USP24: variants seen among roughly 807,000 people sequenced by gnomAD.
USP24 encodes ubiquitin carboxyl-terminal hydrolase 24.
USP24 carries 97 observed loss-of-function variants against 361.6 expected under a neutral mutation model. The ratio of observed to expected loss-of-function variants is 0.27; its 90% CI spans 0.23 to 0.32. The LOEUF (loss-of-function observed/expected upper bound fraction) is 0.32. Among genes scored for constraint, USP24 ranks in the 10% least tolerant of loss-of-function variants. USP24 has a pLI of 1.00. For missense variants in USP24, 2,353 were observed against 3,165.6 expected (o/e 0.74, Z 6.16); for synonymous variants, 1,098 against 1,124.6 (o/e 0.98, Z 0.47).
rs184190667 is a variant in USP24, at chr1:55,127,658, G to A, written c.3635+1819C>T. On this transcript the variant is annotated intron_variant, in intron 32 of 67. Coordinates refer to ENST00000294383, the MANE Select transcript of USP24 (RefSeq NM_015306.3). The stretch of plus-strand genomic sequence containing the variant: ...GAATCGTCACACTGATTTCCACAGT[G>A]GTTGAACTAGTTTACAGTCCCACCA... Among the ~76,000 whole-genome samples the A allele has an allele frequency of 6.2e-4, 95 of 152,300 alleles. 1 individual carries two copies. The East Asian group carries it at 0.017, about 27-fold the overall frequency.
rs1305252471 is a variant in USP24 at position 55,071,913 on chromosome 1, C to T, written c.7701G>A (p.Ala2567=). The change falls in exon 67 of 68, where the codon GCG becomes GCA. Residue 2567 remains alanine (A), a synonymous_variant. Transcript: ENST00000294383. ...TTTCATTCAACAAAGCTGTGGCATA[C>T]GCTAACGTGTCCTGCAGAAGATTCA... is the stretch of plus-strand genomic sequence containing the variant. ...QRTISAQDTL[A]YATALLNEKE... is the part of the protein sequence containing the mutation. 1.6e-5 allele frequency: 26 copies of T among 1,609,532 alleles called. No homozygotes were observed. Among genetic ancestry groups the T allele is most frequent in the African/African-American group, 5.3e-5 (4 of 74,904 alleles).
At position 55,146,912 on chromosome 1, in the gene USP24, C is replaced by T. The variant is rs774844352; in HGVS notation, c.2250+17G>A. The T allele has an allele frequency of 2.5e-6, 4 of 1,610,910 alleles. No individual in the cohort carries two copies. In the South Asian group the frequency reaches 4.4e-5, roughly 18 times the overall value. On this transcript the variant is annotated intron_variant, in intron 19 of 67. Transcript: ENST00000294383. ...AAATATTTCTGCCTTACTTTATCCA[C>T]AATACCACCTTCTTACCTCTCTATC...
At chr1:55,074,136 A>G (rs1357363861) in intron 63 of USP24, among the ~76,000 whole-genome samples, 2 of 151,428 alleles carry the variant, frequency 1.3e-5, no homozygotes, top group African/African-American at 2.4e-5. Flanking sequence ...AAACCACAAC[A>G]AAAAAAACAT....
intron 16 of USP24, among the ~76,000 whole-genome samples, chr1:55,152,756 T>G (rs1647254190): frequency 6.6e-6 from 1 of 152,200 alleles, no homozygotes; most frequent in African/African-American, 2.4e-5. Context: ...TTTTAAAATT[T>G]CTAAAGCTGG....
chr1:55,171,934 T>G (rs1334244201), intron 4 of USP24, among the ~76,000 whole-genome samples: 2 of 152,094 alleles, frequency 1.3e-5, no homozygotes, highest in African/African-American at 4.8e-5. Context: ...GGCAGTGTGA[T>G]GCCAATGCCC....
intron 41 of USP24, 108 bp downstream of exon 41, chr1:55,106,038 C>T (rs1317690235): frequency 4.7e-6 from 4 of 857,670 alleles, no homozygotes; most frequent in Admixed American, 4.2e-5. Flanking sequence ...ATATAGGATA[C>T]ACAGACTCAC....
intron 4 of USP24, among the ~76,000 whole-genome samples, 161 bp downstream of exon 4, chr1:55,172,216 C>T (rs1649525199): frequency 6.6e-6 from 1 of 152,150 alleles, no homozygotes; most frequent in Non-Finnish European, 1.5e-5. Context: ...ACTGAGAACA[C>T]AAGATGGTTG....
At chr1:55,085,830 T>C (rs941882318) in intron 56 of USP24, 112 bp downstream of exon 56, 1 of 1,083,096 alleles carries the variant, frequency 9.2e-7, no homozygotes, top group Non-Finnish European at 1.3e-6. Context: ...AGAAGGTGTA[T>C]TTATGTGGCA....
Position 55,098,514 on chromosome 1 carries a change from G to C in USP24, c.5415C>G (p.Ile1805Met). ...CTTTACAGATCTTCTGATCAGAGTA[G>C]ATGCCCTGAAATGTATTCTTAAAAA... ...DQIFKNTFQG[I>M]YSDQKICKDC... The change falls in exon 46 of 68, where the codon ATC (isoleucine) becomes ATG (methionine). Residue 1805 changes from isoleucine (I) to methionine (M), a missense_variant. Ile to Met is a conservative substitution (Grantham distance 10, BLOSUM62 1). Coordinates refer to ENST00000294383, the MANE Select transcript of USP24 (RefSeq NM_015306.3). 1 of 1,613,128 alleles carries C rather than the reference G, an allele frequency of 6.2e-7. No individual in the cohort carries two copies. Among genetic ancestry groups the C allele is most frequent in the Non-Finnish European group, 8.5e-7 (1 of 1,179,484 alleles).
At chr1:55,112,398 C>T (rs1418441544) in intron 38 of USP24, among the ~76,000 whole-genome samples, 1 of 152,118 alleles carries the variant, frequency 6.6e-6, no homozygotes, top group African/African-American at 2.4e-5. Flanking sequence ...CCTGCTTTCT[C>T]CTGTGGGCAT....
intron 59 of USP24, 102 bp downstream of exon 59, chr1:55,081,220 A>G (rs956384892): frequency 1.7e-5 from 20 of 1,190,102 alleles, no homozygotes; most frequent in Admixed American, 1.5e-4. Flanking sequence ...ACTAGCAAGT[A>G]GTCGAATGAG....
intron 19 of USP24, 117 bp downstream of exon 19, chr1:55,146,812 G>T (rs1647041018): frequency 1.7e-6 from 2 of 1,207,914 alleles, no homozygotes; most frequent in South Asian, 1.6e-5. Context: ...ACAGTTCTTG[G>T]CCCATACTAT....
intron 66 of USP24, 24 bp downstream of exon 66, chr1:55,072,293 G>A (rs17410238): frequency 0.14 from 231,137 of 1,603,028 alleles, 18,053 homozygotes; most frequent in Non-Finnish European, 0.16. Flanking sequence ...TTTAGACCAC[G>A]CAAAAACAAG....
Position 55,097,974 on chromosome 1 carries a change from T to C in USP24, c.5564A>G (p.Asn1855Ser). ...FVRGEVLEGS[N>S]AYYCEKCKEK... ...TTTACACTTTTCACAGTAGTACGCA[T>C]TACTTCCTTCTAGAACTTCTCCTCT... Residue 1855 changes from asparagine to serine, a missense_variant, in exon 47 of 68, where the codon AAT becomes AGT. By Grantham distance (46) the Asn-to-Ser change is conservative (BLOSUM62 1). Around this residue, in one of 8 missense-constraint regions of USP24, gnomAD observed 105 missense variants for 200.3 expected, o/e 0.52. Transcript: ENST00000294383. 6.2e-7 allele frequency: 1 copy of C among 1,612,172 alleles called. No homozygotes were observed. Among genetic ancestry groups the C allele is most frequent in the Non-Finnish European group, 8.5e-7 (1 of 1,179,400 alleles).
At position 55,173,715 on chromosome 1, in the gene USP24, C is replaced by T. The variant is rs1245342144; in HGVS notation, c.559-1195G>A. ...CCAGATTTTCTAAATACTAATTAGCCGCACTACTTGCTCAAATTAGCAGAA... is the reference window on the plus strand; with the variant it reads ...CCAGATTTTCTAAATACTAATTAGCTGCACTACTTGCTCAAATTAGCAGAA... On this transcript the variant is annotated intron_variant, in intron 3 of 67. Transcript: ENST00000294383. 3.3e-5 allele frequency among the ~76,000 whole-genome samples: 5 copies of T among 152,084 alleles called. 1 individual carries two copies. The South Asian group carries it at 8.3e-4, about 25-fold the overall frequency.
chr1:55,103,733 T>C, intron 42 of USP24, 143 bp downstream of exon 42: 2 of 835,894 alleles, frequency 2.4e-6, no homozygotes, highest in South Asian at 4.2e-5. Flanking sequence ...TAGCTTATAC[T>C]TGATTTGAGT....
chr1:55,083,735 TG>T, intron 57 of USP24, 36 bp downstream of exon 57: 1 of 1,472,480 alleles, frequency 6.8e-7, no homozygotes, highest in Non-Finnish European at 9.2e-7. Context: ...ATAAATCTTC[TG>T]TATTAGGAAA....
At chr1:55,143,910 TC>T (rs1646958734) in intron 21 of USP24, among the ~76,000 whole-genome samples, 1 of 152,124 alleles carries the variant, frequency 6.6e-6, no homozygotes, top group African/African-American at 2.4e-5. Flanking sequence ...GAGAGCAGTG[TC>T]CTCGCAGGTA....
intron 9 of USP24, 90 bp from the exon 10 acceptor site, chr1:55,159,126 A>G (rs1432713248): frequency 8.5e-7 from 1 of 1,175,724 alleles, no homozygotes; most frequent in Non-Finnish European, 1.1e-6. Flanking sequence ...ATATAGGGTA[A>G]CAGTGGTCTG....
Sources: allele counts gnomAD v4.1 joint callset (sites outside exome capture counted in the v4.1 genomes callset), GRCh38; gene constraint gnomAD v4.1.1; regional missense constraint gnomAD v4.1.1; transcripts MANE v1.5; gene names NCBI Gene and HGNC (gene_info 2026-07-23, HGNC 2026-07-21).